DZIP1L: variants seen among roughly 807,000 people sequenced by gnomAD.
DZIP1L encodes DAZ interacting zinc finger protein 1 like.
DZIP1L carries 90 observed loss-of-function variants against 88.7 expected under a neutral mutation model. That is an observed-to-expected ratio of 1.02 (90% CI 0.86 to 1.21). The LOEUF (loss-of-function observed/expected upper bound fraction) is 1.21. Ranked by LOEUF, DZIP1L falls within the 50% of genes most tolerant of loss-of-function variation. The pLI is 0.00. For missense variants in DZIP1L, 932 were observed against 955.8 expected, an observed-to-expected ratio of 0.98 and a Z score of 0.33; for synonymous variants, 363 against 372.1, an observed-to-expected ratio of 0.98 and a Z score of 0.28.
In DZIP1L at chr3:138,080,567, C is replaced by T; in HGVS notation, c.1288G>A (p.Glu430Lys). ...VDTEEDSPEE[E>K]MEDSQDEQHK... ...CCCAGGAAAGAAAGTAAGGTCCCAC[C>T]TTCCTCTGGAGAGTCCTCCTCTGTG... is the stretch of plus-strand genomic sequence containing the variant. The change falls in exon 10 of 16, where the codon GAG (glutamate) becomes AAG (lysine). Residue 430 changes from glutamate to lysine, a missense_variant and splice_region_variant. Physicochemically the swap from Glu to Lys is moderately conservative, Grantham distance 56 (BLOSUM62 1). Transcript: ENST00000327532. 2 of 1,613,822 alleles carry T rather than the reference C, an allele frequency of 1.2e-6. No homozygotes were observed. Among genetic ancestry groups the T allele is most frequent in the East Asian group, 2.2e-5 (1 of 44,878 alleles).
At chr3:138,098,600 A>G (rs964267297) in intron 2 of DZIP1L, among the ~76,000 whole-genome samples, 1 of 152,190 alleles carries the variant, frequency 6.6e-6, no homozygotes, top group Admixed American at 6.5e-5. Context: ...TTTGCAGACA[A>G]TTGTGACAGG....
Position 138,067,569 on chromosome 3 carries a change from G to A in DZIP1L, c.1964C>T (p.Thr655Ile). ...KDDWDWSDTE[T>I]SEENAQPPGQ... ...AGGGGGCTGGGCATTCTCCTCCGAGGTCTCTGTGTCAGACCAGTCCCAGTC... is the reference window on the plus strand; with the variant it reads ...AGGGGGCTGGGCATTCTCCTCCGAGATCTCTGTGTCAGACCAGTCCCAGTC... The change falls in exon 14 of 16, where the codon ACC becomes ATC. Residue 655 changes from threonine (T) to isoleucine (I), a missense_variant. Thr to Ile is a moderately conservative substitution (Grantham distance 89). Coordinates refer to ENST00000327532, the MANE Select transcript of DZIP1L (RefSeq NM_173543.3). 6.2e-7 allele frequency: 1 copy of A among 1,610,754 alleles called. No homozygotes were observed. The highest frequency in any genetic ancestry group is 8.5e-7 in the Non-Finnish European group (1 of 1,178,560).
At chr3:138,106,126 T>A (rs1249156864) in intron 1 of DZIP1L, among the ~76,000 whole-genome samples, 5 of 134,380 alleles carry the variant, frequency 3.7e-5, no homozygotes, top group Non-Finnish European at 6.2e-5. Flanking sequence ...CAGTCTTCTT[T>A]CTTTTTTTTT....
intron 1 of DZIP1L, among the ~76,000 whole-genome samples, chr3:138,115,061 C>T (rs2042670439): frequency 6.6e-6 from 1 of 152,174 alleles, no homozygotes; most frequent in African/African-American, 2.4e-5. Context: ...CCCCCGCGCA[C>T]GGGTCCTTCC....
chr3:138,086,952 A>G lies in DZIP1L; in HGVS notation c.1062+9T>C, dbSNP rs879016307. The G allele has an allele frequency of 2.5e-6, 4 of 1,613,858 alleles. No homozygotes were observed. The South Asian group carries it at 4.4e-5, about 18-fold the overall frequency. The stretch of plus-strand genomic sequence containing the variant: ...ACCAAGCTCCCCGAGATCACCCAAC[A>G]AAAGCTACCTCTTTCTTCTCAGCCA... On this transcript the variant is annotated intron_variant, in intron 7 of 15. Transcript: ENST00000327532.
intron 1 of DZIP1L, among the ~76,000 whole-genome samples, chr3:138,112,657 T>A (rs576854947): frequency 6.6e-6 from 1 of 152,280 alleles, no homozygotes. Context: ...AAGAAATGAC[T>A]CACTGTCAAC....
intron 10 of DZIP1L, among the ~76,000 whole-genome samples, chr3:138,078,821 A>C (rs1559834234): frequency 6.6e-6 from 1 of 152,186 alleles, no homozygotes; most frequent in Non-Finnish European, 1.5e-5. Flanking sequence ...TTTAAATGCT[A>C]CTGGTGCCTG....
At position 138,094,840 on chromosome 3, in the gene DZIP1L, G is replaced by T. The variant is rs368299037; in HGVS notation, c.708+22C>A. 6 of 1,613,870 alleles carry T rather than the reference G, an allele frequency of 3.7e-6. No individual in the cohort carries two copies. In the African/African-American group the frequency reaches 8.0e-5, roughly 22 times the overall value. On this transcript the variant is annotated intron_variant, in intron 4 of 15. Transcript: ENST00000327532. ...GGTAGTCCATGACCCAAGTCTCCCT[G>T]ATGTTTTCTCTCCCTGCCCACCTGG...
intron 7 of DZIP1L, among the ~76,000 whole-genome samples, chr3:138,084,949 T>C (rs562489214): frequency 6.6e-6 from 1 of 152,346 alleles, no homozygotes; most frequent in South Asian, 2.1e-4. Flanking sequence ...ATATGCGGCA[T>C]TATTTCTGAG....
At chr3:138,087,308 A>G (rs1034858183) in intron 6 of DZIP1L, among the ~76,000 whole-genome samples, 8 of 152,240 alleles carry the variant, frequency 5.3e-5, no homozygotes, top group African/African-American at 1.7e-4. Flanking sequence ...TGGGTCAAAG[A>G]TTTAACACAA....
At chr3:138,095,022 C>G in intron 3 of DZIP1L, 39 bp from the exon 4 acceptor site, 1 of 1,612,594 alleles carries the variant, frequency 6.2e-7, no homozygotes, top group Non-Finnish European at 8.5e-7. Context: ...CAGTTTAAGT[C>G]CAAAAATCAA....
At position 138,064,580 on chromosome 3, in the gene DZIP1L, G is replaced by A; in HGVS notation, c.2142+48C>T. ...CCCCAGGCCCCCCAAACTCAGAGCT[G>A]GTTCTGTAGAGAATTCCAGAGTAAA... On this transcript the variant is annotated intron_variant, in intron 15 of 15. Coordinates refer to ENST00000327532, the MANE Select transcript of DZIP1L (RefSeq NM_173543.3). 3.1e-6 allele frequency: 5 copies of A among 1,613,970 alleles called. No homozygotes were observed. The South Asian group carries it at 4.4e-5, about 14-fold the overall frequency.
In DZIP1L at chr3:138,063,357, C is replaced by T. The variant is rs994867123; in HGVS notation, c.2143-380G>A. ...CTGTTCCAAGTTCGCGAGCTGAATGCACTGTGGGCTAATGACCCGCCTCCT... is the reference window on the plus strand; with the variant it reads ...CTGTTCCAAGTTCGCGAGCTGAATGTACTGTGGGCTAATGACCCGCCTCCT... On this transcript the variant is annotated intron_variant, in intron 15 of 15. Transcript: ENST00000327532. The surrounding 1 kb of genome is among the most constrained non-coding windows in gnomAD (Gnocchi z 4.1). Among the ~76,000 whole-genome samples, 2 of 152,188 alleles carry T rather than the reference C, an allele frequency of 1.3e-5. No individual in the cohort carries two copies. Among genetic ancestry groups the T allele is most frequent in the African/African-American group, 4.8e-5 (2 of 41,458 alleles).
chr3:138,072,904 C>T (rs571535897), intron 11 of DZIP1L, among the ~76,000 whole-genome samples: 1 of 152,284 alleles, frequency 6.6e-6, no homozygotes, highest in South Asian at 2.1e-4. Flanking sequence ...CAGATTTCCC[C>T]CACTTCCCTG....
rs766637402 is a variant in DZIP1L at position 138,104,012 on chromosome 3, C to A, written c.-41G>T. The A allele has an allele frequency of 9.5e-6, 15 of 1,572,020 alleles. No homozygotes were observed. Among genetic ancestry groups the A allele is most frequent in the African/African-American group, 1.4e-5 (1 of 73,736 alleles). On this transcript the variant is annotated 5_prime_UTR_variant, in exon 2 of 16. Transcript: ENST00000327532. The stretch of plus-strand genomic sequence containing the variant: ...TGAGCTGACCACCAGAGGAGGGGGG[C>A]ACCAAGGCCACGGCAGTAGGCCAAG...
chr3:138,077,738 G>A, intron 10 of DZIP1L, 106 bp from the exon 11 acceptor site: 1 of 1,495,848 alleles, frequency 6.7e-7, no homozygotes, highest in Non-Finnish European at 9.0e-7. Context: ...ATCCTGGTCG[G>A]TTAACTCAGG....
chr3:138,076,020 A>G (rs1390300337), intron 11 of DZIP1L, among the ~76,000 whole-genome samples: 1 of 152,208 alleles, frequency 6.6e-6, no homozygotes, highest in African/African-American at 2.4e-5. Context: ...AACTGGAGAA[A>G]CAAGAATAAT....
chr3:138,101,693 T>C (rs1485307462), intron 2 of DZIP1L: 2 of 810,972 alleles, frequency 2.5e-6, no homozygotes, highest in Non-Finnish European at 4.4e-6. Context: ...CTGGTGGTCT[T>C]TGTATGGATA....
chr3:138,109,657 C>T lies in DZIP1L; in HGVS notation c.-81-5605G>A, dbSNP rs182856212. 1.2e-4 allele frequency among the ~76,000 whole-genome samples: 18 copies of T among 152,300 alleles called. No homozygotes were observed. In the East Asian group the frequency reaches 3.5e-3, roughly 29 times the overall value. The stretch of plus-strand genomic sequence containing the variant: ...TCATTCTACTATAAAGATACATGCA[C>T]ACATATATTTATTGCAGCACTATTA... On this transcript the variant is annotated intron_variant, in intron 1 of 15. Transcript: ENST00000327532.
Sources: gnomAD v4.1 joint callset for allele counts (sites outside exome capture counted in the v4.1 genomes callset) on GRCh38, gnomAD v4.1.1 for gene constraint, Gnocchi (gnomAD v3.1) non-coding constraint, MANE v1.5 for transcripts, NCBI Gene and HGNC (gene_info 2026-07-23, HGNC 2026-07-21) for gene names.